The following ZNF678 variants were observed in gnomAD, a reference collection of about 807,000 sequenced individuals.
ZNF678 encodes the protein zinc finger protein 678.
In ZNF678, 5 loss-of-function variants were observed where a neutral mutation model predicts 3.0. The ratio of observed to expected loss-of-function variants is 1.69; its 90% CI spans 0.88 to 3.56. ZNF678 has a LOEUF of 3.56. ZNF678 is among the 30% of genes most tolerant of loss of function. The pLI is 0.00. For synonymous variants in ZNF678, 218 were observed against 199.6 expected (o/e 1.09, Z -0.78); for missense variants, 593 against 605.0 (o/e 0.98, Z 0.21).
chr1:227,578,572 T>A (rs558182439), intron 1 of ZNF678, among the ~76,000 whole-genome samples: 31 of 152,362 alleles, frequency 2.0e-4, no homozygotes, highest in Non-Finnish European at 3.7e-4. Flanking sequence ...ATTCTTGGAA[T>A]GGGTTTTTTA....
At chr1:227,632,113 C>G (rs536335396) in intron 1 of ZNF678, among the ~76,000 whole-genome samples, 2 of 152,110 alleles carry the variant, frequency 1.3e-5, no homozygotes, top group Non-Finnish European at 2.9e-5. Context: ...TGGGCCCTGG[C>G]AAGGGTGGTG....
At chr1:227,630,172 TG>T (rs1658516054) in intron 1 of ZNF678, among the ~76,000 whole-genome samples, 1 of 152,218 alleles carries the variant, frequency 6.6e-6, no homozygotes, top group African/African-American at 2.4e-5. Context: ...GCTTCCTCAA[TG>T]CCTCCCTTAG....
rs1238730710 is a variant in ZNF678, at chr1:227,651,065, T to C, written c.74T>C (p.Leu25Pro). The change falls in exon 3 of 4, where the codon CTG becomes CCG. Residue 25 changes from leucine (L) to proline (P), a missense_variant. Transcript: ENST00000343776. ...GANTSTSFYK[L>P]VYTAILSYSI... ...AACACCTCTACCAGTTTTTATAAAC[T>C]GGTTTATACAGGTAAAGATTTTATC... 3.7e-6 allele frequency: 6 copies of C among 1,613,388 alleles called. No homozygotes were observed. The African/African-American group carries it at 8.0e-5, about 22-fold the overall frequency.
intron 1 of ZNF678, among the ~76,000 whole-genome samples, chr1:227,618,023 T>C (rs1259516499): frequency 6.6e-6 from 1 of 152,134 alleles, no homozygotes; most frequent in Non-Finnish European, 1.5e-5. Context: ...CCAACCTGAC[T>C]ATAGCCACCC....
intron 1 of ZNF678, among the ~76,000 whole-genome samples, chr1:227,573,908 G>A (rs564762342): frequency 1.3e-5 from 2 of 152,272 alleles, no homozygotes; most frequent in South Asian, 4.1e-4. Flanking sequence ...CCACTTACAA[G>A]TGAGAATATG....
At chr1:227,571,610 A>T (rs542030771) in intron 1 of ZNF678, among the ~76,000 whole-genome samples, 1 of 152,254 alleles carries the variant, frequency 6.6e-6, no homozygotes. Flanking sequence ...CTAATGTTAC[A>T]TGATAAAGCC....
intron 1 of ZNF678, among the ~76,000 whole-genome samples, chr1:227,615,030 G>A (rs1658110118): frequency 6.6e-6 from 1 of 152,206 alleles, no homozygotes; most frequent in African/African-American, 2.4e-5. Flanking sequence ...CCACAGTGTG[G>A]GCAGGAGGAT....
chr1:227,669,804 G>A (rs149888195), intron 5 of ZNF678, among the ~76,000 whole-genome samples: 1 of 152,134 alleles, frequency 6.6e-6, no homozygotes, highest in African/African-American at 2.4e-5. Context: ...ATTTCTCAAA[G>A]AACTTAAAAC....
chr1:227,676,835 T>C (rs1301148149), intron 5 of ZNF678, among the ~76,000 whole-genome samples: 1 of 152,156 alleles, frequency 6.6e-6, no homozygotes, highest in Non-Finnish European at 1.5e-5. Context: ...TCCATGTCCC[T>C]ACAAAGGACA....
chr1:227,673,275 A>C (rs1297538246), intron 5 of ZNF678, among the ~76,000 whole-genome samples: 2 of 152,156 alleles, frequency 1.3e-5, no homozygotes, highest in African/African-American at 4.8e-5. Context: ...ACCACTGGAC[A>C]CCTGACCTTT....
rs1224827314 is a variant in ZNF678, at chr1:227,676,416, A to G, written c.227-763A>G. On this transcript the variant is annotated intron_variant, in intron 5 of 5. Transcript: ENST00000608949. ...ATGAATGGGAAACAGGAGAAACCAC[A>G]ATAGCAGAACTAGACTTCCAAAAAC... Among the ~76,000 whole-genome samples the G allele has an allele frequency of 5.3e-5, 8 of 152,342 alleles. No homozygotes were observed. The South Asian group carries it at 1.7e-3, about 32-fold the overall frequency.
intron 5 of ZNF678, among the ~76,000 whole-genome samples, chr1:227,667,944 T>C (rs2102819030): frequency 6.6e-6 from 1 of 152,306 alleles, no homozygotes; most frequent in South Asian, 2.1e-4. Context: ...TTTTTCTTTA[T>C]CCCACTGCCC....
chr1:227,588,220 T>TGC, intron 1 of ZNF678, among the ~76,000 whole-genome samples: 2 of 152,232 alleles, frequency 1.3e-5, no homozygotes, highest in African/African-American at 4.8e-5. Flanking sequence ...ATTTTCTTTA[T>TGC]CCAGTCTATC....
intron 1 of ZNF678, among the ~76,000 whole-genome samples, chr1:227,614,630 G>A (rs1658100106): frequency 6.6e-6 from 1 of 152,102 alleles, no homozygotes; most frequent in Non-Finnish European, 1.5e-5. Flanking sequence ...CTTTTTGTAT[G>A]ACAGAGATAA....
chr1:227,653,889 A>T (rs1388189418), intron 3 of ZNF678, among the ~76,000 whole-genome samples: 1 of 152,086 alleles, frequency 6.6e-6, no homozygotes, highest in East Asian at 1.9e-4. Flanking sequence ...TTGTTATGGG[A>T]AACAGAAACC....
chr1:227,621,709 T>C (rs1397784016), intron 1 of ZNF678, among the ~76,000 whole-genome samples: 7 of 152,182 alleles, frequency 4.6e-5, no homozygotes, highest in African/African-American at 1.7e-4. Context: ...AAGCCAGTAA[T>C]GCAATTCTAA....
intron 1 of ZNF678, among the ~76,000 whole-genome samples, chr1:227,640,360 A>G (rs1437157349): frequency 1.4e-5 from 2 of 147,390 alleles, no homozygotes. Flanking sequence ...GTTAAAGAAG[A>G]TGGTTGAGAG....
chr1:227,591,204 G>A (rs1378122735), intron 1 of ZNF678, among the ~76,000 whole-genome samples: 5 of 151,688 alleles, frequency 3.3e-5, no homozygotes, highest in South Asian at 2.1e-4. Context: ...CTCAAACCAC[G>A]ATATTTACTT....
chr1:227,613,862 G>C lies in ZNF678; in HGVS notation c.-163-32682G>C, dbSNP rs1571887296. 2.6e-5 allele frequency among the ~76,000 whole-genome samples: 4 copies of C among 152,182 alleles called. No homozygotes were observed. In the East Asian group the frequency reaches 5.8e-4, roughly 22 times the overall value. On this transcript the variant is annotated intron_variant, in intron 1 of 3. Coordinates refer to ENST00000343776, the MANE Select transcript of ZNF678 (RefSeq NM_001367909.1). ...CCCCACGCCCAAAACTGTTTCTCTG[G>C]TGCCAACAAGTACTGCTGGAGTCAA...
Sources: gnomAD v4.1 joint callset for allele counts (sites outside exome capture counted in the v4.1 genomes callset) on GRCh38, gnomAD v4.1.1 for gene constraint, MANE v1.5 for transcripts, NCBI Gene and HGNC (gene_info 2026-07-23, HGNC 2026-07-21) for gene names.